Variants in LARGE1 observed in about 807,000 individuals in gnomAD.
LARGE1 encodes xylosyl- and glucuronyltransferase LARGE1.
Under a neutral mutation model 87.6 loss-of-function variants are expected in LARGE1, and 43 were observed. The observed-to-expected ratio is 0.49, with a 90% CI of 0.38 to 0.63. The LOEUF is 0.63. Ranked by LOEUF, LARGE1 falls within the 30% of genes least tolerant of loss-of-function variation. The pLI, the probability that LARGE1 is intolerant of heterozygous loss-of-function variation, is 0.00. For synonymous variants in LARGE1, 434 were observed against 394.6 expected (o/e 1.10, Z -1.18); for missense variants, 802 against 1,000.2 (o/e 0.80, Z 2.67).
At chr22:33,198,933 A>G (rs1924228834) in intron 11 of LARGE1, among the ~76,000 whole-genome samples, 1 of 152,182 alleles carries the variant, frequency 6.6e-6, no homozygotes, top group Non-Finnish European at 1.5e-5. Flanking sequence ...TGTTTTCCAT[A>G]AAGGTCATAC....
chr22:33,188,413 T>A (rs1451880926), intron 11 of LARGE1, among the ~76,000 whole-genome samples: 1 of 151,794 alleles, frequency 6.6e-6, no homozygotes, highest in East Asian at 1.9e-4. Flanking sequence ...TAAGGGGAAA[T>A]GGGATACAGA....
intron 6 of LARGE1, among the ~76,000 whole-genome samples, chr22:33,530,461 C>CTTT (rs5845091): frequency 5.4e-5 from 7 of 128,914 alleles, no homozygotes; most frequent in East Asian, 2.3e-4. Context: ...CTTGCTGAGG[C>CTTT]TTTTTTTTTT....
intron 2 of LARGE1, among the ~76,000 whole-genome samples, chr22:33,743,678 G>A (rs577959643): frequency 1.3e-5 from 2 of 152,206 alleles, no homozygotes; most frequent in East Asian, 1.9e-4. Context: ...ATTGCTCTTC[G>A]ATCTGACCTC....
At chr22:33,390,648 G>A (rs2065483645) in intron 7 of LARGE1, among the ~76,000 whole-genome samples, 1 of 151,528 alleles carries the variant, frequency 6.6e-6, no homozygotes. Flanking sequence ...GCTGCTCTTG[G>A]CATGCCAAAC....
chr22:33,390,536 T>C (rs2065480231), intron 7 of LARGE1, among the ~76,000 whole-genome samples: 2 of 152,124 alleles, frequency 1.3e-5, no homozygotes, highest in Admixed American at 1.3e-4. Flanking sequence ...AAGACCATGC[T>C]TCCTCTTAAA....
chr22:33,883,762 A>G (rs545953736), intron 1 of LARGE1, among the ~76,000 whole-genome samples: 2 of 152,302 alleles, frequency 1.3e-5, no homozygotes, highest in African/African-American at 2.4e-5. Context: ...CACCACCTTC[A>G]GGCATCTCCT....
At chr22:33,403,611 T>C (rs2065997004) in intron 7 of LARGE1, among the ~76,000 whole-genome samples, 1 of 149,180 alleles carries the variant, frequency 6.7e-6, no homozygotes, top group Admixed American at 6.7e-5. Context: ...ATTTCTTTTC[T>C]TTTTTTTTTG....
the LARGE1 span, among the ~76,000 whole-genome samples, chr22:33,086,263 A>G: frequency 3.3e-5 from 5 of 152,180 alleles, no homozygotes; most frequent in African/African-American, 1.2e-4. Flanking sequence ...TCCCACATCT[A>G]AGTAAAATTA....
intron 11 of LARGE1, among the ~76,000 whole-genome samples, chr22:33,210,406 T>C (rs1924900921): frequency 1.3e-5 from 2 of 152,228 alleles, no homozygotes; most frequent in African/African-American, 4.8e-5. Context: ...CGGCGGAACC[T>C]GGTCTGTGTG....
intron 2 of LARGE1, among the ~76,000 whole-genome samples, chr22:33,728,864 G>A (rs757552236): frequency 1.2e-4 from 19 of 152,186 alleles, no homozygotes; most frequent in Admixed American, 6.5e-4. Context: ...GTGAGTCCTT[G>A]GCCTGCGGTT....
Position 33,528,467 on chromosome 22 carries a change from G to A in LARGE1, c.787+36381C>T, listed in dbSNP as rs117232920. Among the ~76,000 whole-genome samples, 529 of 152,288 alleles carry A rather than the reference G, an allele frequency of 3.5e-3. 6 individuals are homozygous for A. The highest frequency in any genetic ancestry group is 0.022 in the South Asian group (104 of 4,822). ...GCAACTGAGCTTCATGGCCCTTCAT[G>A]TGTCTCATGAACAAAAAATGGCAGA... On this transcript the variant is annotated intron_variant, in intron 6 of 14. Coordinates refer to ENST00000397394, the MANE Select transcript of LARGE1 (RefSeq NM_133642.5).
At chr22:33,245,229 C>T (rs1437471603) in intron 11 of LARGE1, among the ~76,000 whole-genome samples, 1 of 152,106 alleles carries the variant, frequency 6.6e-6, no homozygotes, top group African/African-American at 2.4e-5. Context: ...CTCATTGAAA[C>T]CCTTGCAAAA....
the LARGE1 span, among the ~76,000 whole-genome samples, chr22:33,074,481 C>T: frequency 6.6e-6 from 1 of 152,042 alleles, no homozygotes; most frequent in Non-Finnish European, 1.5e-5. Flanking sequence ...TCCAGACCAT[C>T]CTGACCAACA....
intron 11 of LARGE1, among the ~76,000 whole-genome samples, chr22:33,307,775 CTT>C (rs3216417): frequency 1.4e-5 from 2 of 144,792 alleles, no homozygotes. Flanking sequence ...TTTTTCTTTT[CTT>C]TTTTTTTTTT....
At chr22:33,591,488 CA>C (rs1232509077) in intron 5 of LARGE1, among the ~76,000 whole-genome samples, 3 of 152,160 alleles carry the variant, frequency 2.0e-5, no homozygotes, top group Non-Finnish European at 2.9e-5. Flanking sequence ...ATATGTTGCT[CA>C]TTTCTAAATT....
At chr22:33,369,619 C>T (rs1601608943) in intron 9 of LARGE1, among the ~76,000 whole-genome samples, 3 of 152,130 alleles carry the variant, frequency 2.0e-5, no homozygotes, top group South Asian at 2.1e-4. Context: ...GACTGGAGTG[C>T]GGTGGCACGA....
intron 2 of LARGE1, among the ~76,000 whole-genome samples, chr22:33,731,164 T>G (rs2083453930): frequency 6.6e-6 from 1 of 151,950 alleles, no homozygotes; most frequent in South Asian, 2.1e-4. Context: ...CCACCATGCC[T>G]GGCTAATTTT....
At chr22:33,278,705 AC>A (rs1016822618) in intron 13 of LARGE1, among the ~76,000 whole-genome samples, 4 of 152,000 alleles carry the variant, frequency 2.6e-5, no homozygotes, top group African/African-American at 4.8e-5. Context: ...CTCCTTAAGC[AC>A]TTCACCTCTC....
At chr22:33,685,243 T>C (rs940880534) in intron 2 of LARGE1, among the ~76,000 whole-genome samples, 19 of 152,138 alleles carry the variant, frequency 1.2e-4, no homozygotes, top group Non-Finnish European at 2.4e-4. Flanking sequence ...CCAGGGGGTA[T>C]TAATATACAA....
Sources: gnomAD v4.1 joint callset for allele counts (sites outside exome capture counted in the v4.1 genomes callset) on GRCh38, gnomAD v4.1.1 for gene constraint, MANE v1.5 for transcripts, NCBI Gene and HGNC (gene_info 2026-07-23, HGNC 2026-07-21) for gene names.